SNX15: variants seen among roughly 807,000 people sequenced by gnomAD.
The protein encoded by SNX15 is sorting nexin-15.
In SNX15, 29 loss-of-function variants were observed where a neutral mutation model predicts 35.2. The observed-to-expected ratio is 0.82, with a 90% CI of 0.61 to 1.12. The LOEUF is 1.12. Among genes scored for constraint, SNX15 ranks in the 50% most tolerant of loss-of-function variants. The pLI is 0.00. For missense variants in SNX15, 400 were observed against 451.5 expected, an observed-to-expected ratio of 0.89 and a Z score of 1.03; for synonymous variants, 189 against 188.2, an observed-to-expected ratio of 1.00 and a Z score of -0.03.
intron 1 of SNX15, 125 bp downstream of exon 1, chr11:65,027,761 G>C: frequency 1.4e-6 from 1 of 707,192 alleles, no homozygotes; most frequent in Non-Finnish European, 2.5e-6. Flanking sequence ...CCCTTTAAGG[G>C]GAGGTTGCAG....
At chr11:65,036,842 T>A (rs898965663) in intron 6 of SNX15, 2 of 151,828 alleles carry the variant, frequency 1.3e-5, no homozygotes, top group Non-Finnish European at 2.9e-5. Context: ...CCTGGCTAAT[T>A]TTTGTATTTT....
intron 3 of SNX15, among the ~76,000 whole-genome samples, chr11:65,033,165 T>C (rs550609316): frequency 2.7e-4 from 41 of 152,116 alleles, no homozygotes; most frequent in African/African-American, 9.6e-4. Context: ...CGTGAGACAC[T>C]GCACCCGGCC....
chr11:65,032,949 C>T (rs1212328693), intron 3 of SNX15, among the ~76,000 whole-genome samples: 3 of 152,148 alleles, frequency 2.0e-5, no homozygotes, highest in South Asian at 2.1e-4. Flanking sequence ...TGTCTTGGCT[C>T]ACTGCAACCT....
intron 3 of SNX15, 68 bp downstream of exon 3, chr11:65,032,619 A>T: frequency 6.3e-7 from 1 of 1,596,654 alleles, no homozygotes; most frequent in South Asian, 1.1e-5. Flanking sequence ...GACCTCCGCC[A>T]GTGGGGGCTG....
In SNX15 at chr11:65,027,479, AG is replaced by A. The variant is rs1946384087; in HGVS notation, c.-55del. 3 of 1,376,512 alleles carry A rather than the reference AG, an allele frequency of 2.2e-6. No individual in the cohort carries two copies. 85.3% of individuals were successfully genotyped at this position (1,376,512 alleles called of 1,614,324 possible). A position where few individuals can be genotyped will look rare whatever the true frequency, so the allele number is the denominator to read the frequency against. ...CGGCGGCGGGCGGAGGCTGGGCCGG[AG>A]GGGTGGGGACGGCGAGGAGGTGGAG... On this transcript the variant is annotated 5_prime_UTR_variant, in exon 1 of 8. Coordinates refer to ENST00000377244, the MANE Select transcript of SNX15 (RefSeq NM_013306.5).
At chr11:65,033,770 T>A (rs1228398416) in intron 3 of SNX15, among the ~76,000 whole-genome samples, 1 of 151,896 alleles carries the variant, frequency 6.6e-6, no homozygotes, top group East Asian at 1.9e-4. Context: ...TGGCATGATA[T>A]CAGCTCACTG....
rs1590743246 is a variant in SNX15, at chr11:65,038,614, C to T, written c.707C>T (p.Thr236Met). Residue 236 changes from threonine to methionine, a missense_variant, in exon 7 of 8, where the codon ACG becomes ATG. Coordinates refer to ENST00000377244, the MANE Select transcript of SNX15 (RefSeq NM_013306.5). The part of the protein sequence containing the change: ...PSPTHVAELA[T>M]MEVESARLDQ... ...CCCACCCATGTGGCTGAGCTGGCAACGATGGAGGTGGAGTCTGCAAGGCTG... is the reference window on the plus strand; with the variant it reads ...CCCACCCATGTGGCTGAGCTGGCAATGATGGAGGTGGAGTCTGCAAGGCTG... The T allele has an allele frequency of 3.8e-6, 6 of 1,596,746 alleles. No homozygotes were observed. The highest frequency in any genetic ancestry group is 1.8e-4 in the Middle Eastern group (1 of 5,644).
chr11:65,039,132 T>C (rs1279845587), intron 7 of SNX15, among the ~76,000 whole-genome samples: 1 of 149,438 alleles, frequency 6.7e-6, no homozygotes, highest in Non-Finnish European at 1.5e-5. Context: ...CAAGTGATTC[T>C]ACTGCCTCAG....
chr11:65,032,956 A>G (rs939315925), intron 3 of SNX15, among the ~76,000 whole-genome samples: 1 of 152,004 alleles, frequency 6.6e-6, no homozygotes, highest in Non-Finnish European at 1.5e-5. Context: ...GCTCACTGCA[A>G]CCTCCACCTT....
chr11:65,035,020 A>ACCCCATGACT (rs1187737056), intron 4 of SNX15, 39 bp from the exon 5 acceptor site: 1 of 1,613,258 alleles, frequency 6.2e-7, no homozygotes, highest in Non-Finnish European at 8.5e-7. Flanking sequence ...ACCAGATTGC[A>ACCCCATGACT]CCCCATGACT....
At position 65,034,941 on chromosome 11, in the gene SNX15, C is replaced by G. The variant is rs1351581536; in HGVS notation, c.351C>G (p.Pro117=). ...ACATACCTGCGCTCAACAACAGCCCCCAGCTCAAGGAGTTCTTCCGGGTAT... is the reference window on the plus strand; with the variant it reads ...ACATACCTGCGCTCAACAACAGCCCGCAGCTCAAGGAGTTCTTCCGGGTAT... ...TVHIPALNNS[P]QLKEFFRGGE... The change falls in exon 4 of 8, where the codon CCC becomes CCG. Residue 117 remains proline, a synonymous_variant. Transcript: ENST00000377244. 6.2e-7 allele frequency: 1 copy of G among 1,613,960 alleles called. No homozygotes were observed. Among genetic ancestry groups the G allele is most frequent in the Non-Finnish European group, 8.5e-7 (1 of 1,179,966 alleles).
chr11:65,038,911 A>C, intron 7 of SNX15, 82 bp downstream of exon 7: 1 of 1,213,082 alleles, frequency 8.2e-7, no homozygotes, highest in Non-Finnish European at 1.1e-6. Flanking sequence ...CAAGCAAATC[A>C]CGGATCAGGA....
At chr11:65,038,482 C>A in intron 6 of SNX15, 90 bp from the exon 7 acceptor site, 1 of 1,460,940 alleles carries the variant, frequency 6.8e-7, no homozygotes. Context: ...CAGGCTGATA[C>A]CCTGATGGAC....
At chr11:65,031,224 A>G (rs1404061508) in intron 1 of SNX15, among the ~76,000 whole-genome samples, 1 of 151,800 alleles carries the variant, frequency 6.6e-6, no homozygotes, top group African/African-American at 2.4e-5. Flanking sequence ...GGGTGTCACT[A>G]TGTTGCCCAG....
intron 1 of SNX15, among the ~76,000 whole-genome samples, chr11:65,029,078 G>A (rs1363471488): frequency 1.4e-5 from 2 of 144,420 alleles, no homozygotes; most frequent in Admixed American, 7.1e-5. Context: ...GAGACAGAGC[G>A]AGACTCCGTC....
intron 6 of SNX15, chr11:65,035,942 G>C (rs1272796289): frequency 2.0e-5 from 7 of 358,770 alleles, no homozygotes; most frequent in Non-Finnish European, 1.0e-5. Flanking sequence ...GAAGGCTTTG[G>C]AAAGAGCCGG....
chr11:65,031,043 G>C (rs1946434702), intron 1 of SNX15, among the ~76,000 whole-genome samples: 1 of 151,622 alleles, frequency 6.6e-6, no homozygotes, highest in Non-Finnish European at 1.5e-5. Flanking sequence ...GTGTGTGAGA[G>C]ACAGGGTCTC....
At position 65,036,166 on chromosome 11, in the gene SNX15, A is replaced by G. The variant is rs374245624; in HGVS notation, c.664+503A>G. 1.4e-3 allele frequency: 213 copies of G among 153,050 alleles called. 2 individuals carry two copies. Among genetic ancestry groups the G allele is most frequent in the South Asian group, 2.5e-3 (12 of 4,844 alleles). The allele number at this position is 153,050 out of a possible 1,614,324, so 9.5% of individuals were successfully genotyped here. A position where few individuals can be genotyped will look rare whatever the true frequency, so the allele number is the denominator to read the frequency against. On this transcript the variant is annotated intron_variant, in intron 6 of 7. Coordinates refer to ENST00000377244, the MANE Select transcript of SNX15 (RefSeq NM_013306.5). ...TGCTGGAGGTAGAAGGGCCCCCCCAATGGAGGTCAGGGTCCTGGGCACCTT... is the reference window on the plus strand; with the variant it reads ...TGCTGGAGGTAGAAGGGCCCCCCCAGTGGAGGTCAGGGTCCTGGGCACCTT...
rs199545875 is a variant in SNX15 at position 65,038,596 on chromosome 11, A to C, written c.689A>C (p.His230Pro). The change falls in exon 7 of 8, where the codon CAT becomes CCT. Residue 230 changes from histidine to proline, a missense_variant. By Grantham distance (77) the His-to-Pro change is moderately conservative (BLOSUM62 -2). Coordinates refer to ENST00000377244, the MANE Select transcript of SNX15 (RefSeq NM_013306.5). ...KEEGAAPSPT[H>P]VAELATMEVE... ...GAAGGCGCAGCCCCCAGCCCCACCCATGTGGCTGAGCTGGCAACGATGGAG... is the reference window on the plus strand; with the variant it reads ...GAAGGCGCAGCCCCCAGCCCCACCCCTGTGGCTGAGCTGGCAACGATGGAG... 808 of 1,580,022 alleles carry C rather than the reference A, an allele frequency of 5.1e-4. 1 individual carries two copies. Among genetic ancestry groups the C allele is most frequent in the Non-Finnish European group, 6.7e-4 (778 of 1,162,368 alleles).
Sources: allele counts gnomAD v4.1 joint callset (sites outside exome capture counted in the v4.1 genomes callset), GRCh38; gene constraint gnomAD v4.1.1; transcripts MANE v1.5; gene names NCBI Gene and HGNC (gene_info 2026-07-23, HGNC 2026-07-21).